UPF3B: variants seen among roughly 807,000 people sequenced by gnomAD.
The protein encoded by UPF3B is UPF3B regulator of nonsense mediated mRNA decay, also known as regulator of nonsense transcripts 3B.
Under a neutral mutation model 40.3 loss-of-function variants are expected in UPF3B, and 7 were observed. The observed-to-expected ratio is 0.17, with a 90% CI of 0.10 to 0.33. UPF3B has a LOEUF of 0.33. Among genes scored for constraint, UPF3B ranks in the 10% least tolerant of loss-of-function variants. The pLI is 1.00. For synonymous variants in UPF3B, 117 were observed against 117.3 expected (o/e 1.00, Z 0.01); for missense variants, 229 against 358.9 (o/e 0.64, Z 2.93).
intron 4 of UPF3B, among the ~76,000 whole-genome samples, chrX:119,820,127 G>A (rs897473754): frequency 2.7e-5 from 3 of 110,357 alleles, no homozygotes; most frequent in African/African-American, 6.6e-5. Flanking sequence ...CTACAGGCAT[G>A]TGCCACCTCA....
At chrX:119,839,029 G>A (rs1417031897) in intron 8 of UPF3B, among the ~76,000 whole-genome samples, 1 of 111,422 alleles carries the variant, frequency 9.0e-6, no homozygotes, top group Non-Finnish European at 1.9e-5. Context: ...CTTCTGCCTC[G>A]GCCTCCCACA....
At chrX:119,811,448 C>T (rs1213208091) in intron 5 of UPF3B, among the ~76,000 whole-genome samples, 4 of 109,619 alleles carry the variant, frequency 3.6e-5, no homozygotes. Flanking sequence ...AGATCATAGA[C>T]CATCCTCGCC....
At chrX:119,833,129 A>G (rs1318967237), downstream of UPF3B, among the ~76,000 whole-genome samples, 2 of 111,239 alleles carry the variant, frequency 1.8e-5, no homozygotes, top group African/African-American at 6.5e-5. Context: ...ATCATGAGAA[A>G]GCAACCACGT....
At chrX:119,809,678 G>A (rs139989229) in intron 5 of UPF3B, among the ~76,000 whole-genome samples, 4,355 of 111,840 alleles carry the variant, frequency 0.039, 175 homozygotes, top group African/African-American at 0.13. Context: ...CTGAGATCGC[G>A]CCACAGCACT....
chrX:119,836,962 G>A (rs2056102182), intron 10 of UPF3B, among the ~76,000 whole-genome samples: 1 of 101,420 alleles, frequency 9.9e-6, no homozygotes, highest in Non-Finnish European at 2.0e-5. Flanking sequence ...TTTTTTTTTT[G>A]AGACTGAGTC....
In UPF3B at chrX:119,842,305, C is replaced by T. The variant is rs186992388; in HGVS notation, c.581-527G>A. On this transcript the variant is annotated intron_variant, in intron 5 of 10. Transcript: ENST00000276201. Reference sequence around the variant, plus strand: ...CCATCTTAAAACACATATTCCTGGCCGGGCACAGTGGCTCATGCCTGTAAT... The same window carrying T: ...CCATCTTAAAACACATATTCCTGGCTGGGCACAGTGGCTCATGCCTGTAAT... 2.7e-3 allele frequency among the ~76,000 whole-genome samples: 302 copies of T among 111,352 alleles called. 2 individuals are homozygous for T. Among genetic ancestry groups the T allele is most frequent in the Middle Eastern group, 9.2e-3 (2 of 218 alleles).
chrX:119,833,697 G>A (rs1399887711), downstream of UPF3B, among the ~76,000 whole-genome samples: 2 of 111,916 alleles, frequency 1.8e-5, no homozygotes. Flanking sequence ...GTAGAGATGG[G>A]GTTTCACCAT....
At chrX:119,846,149 C>G (rs1040112762) in intron 3 of UPF3B, among the ~76,000 whole-genome samples, 2 of 110,021 alleles carry the variant, frequency 1.8e-5, no homozygotes, top group African/African-American at 6.6e-5. Flanking sequence ...GCCTGGCCAA[C>G]ATGGTGAAAC....
Position 119,834,705 on chromosome X carries a change from G to C in UPF3B, c.*173C>G. ...GCAATGAAATTGTACTTCCAATTCTGAACCTCTGATCAGATTCCTGCTTTG... is the reference window on the plus strand; with the variant it reads ...GCAATGAAATTGTACTTCCAATTCTCAACCTCTGATCAGATTCCTGCTTTG... On this transcript the variant is annotated 3_prime_UTR_variant, in exon 11 of 11. Coordinates refer to ENST00000276201, the MANE Select transcript of UPF3B (RefSeq NM_080632.3). The C allele has an allele frequency of 8.9e-7, 1 of 1,118,661 alleles. No homozygotes were observed. The highest frequency in any genetic ancestry group is 1.2e-6 in the Non-Finnish European group (1 of 855,884). The allele number at this position is 1,118,661 out of a possible 1,213,427, so 92.2% of individuals were successfully genotyped here.
chrX:119,808,296 G>A (rs1041521122), intron 5 of UPF3B, among the ~76,000 whole-genome samples: 5 of 110,224 alleles, frequency 4.5e-5, no homozygotes, highest in African/African-American at 1.6e-4. Context: ...GTGGTATTGG[G>A]GGAAAGGATA....
chrX:119,852,471 T>C lies in UPF3B; in HGVS notation c.156+302A>G, dbSNP rs959116522. On this transcript the variant is annotated intron_variant, in intron 1 of 10. Coordinates refer to ENST00000276201, the MANE Select transcript of UPF3B (RefSeq NM_080632.3). ...TTCACTATTTAATATTTCTCCCCAATTACACCTTTAGTTCCTCATTCTTTA... is the reference window on the plus strand; with the variant it reads ...TTCACTATTTAATATTTCTCCCCAACTACACCTTTAGTTCCTCATTCTTTA... Among the ~76,000 whole-genome samples, 3 of 112,061 alleles carry C rather than the reference T, an allele frequency of 2.7e-5. No homozygotes were observed. In the South Asian group the frequency reaches 1.1e-3, roughly 41 times the overall value.
At chrX:119,843,151 G>C (rs771615371) in intron 5 of UPF3B, 40 bp downstream of exon 5, 24 of 929,328 alleles carry the variant, frequency 2.6e-5, no homozygotes, top group Non-Finnish European at 3.4e-5. Context: ...TAGGTACTGT[G>C]ATGAAAAGAC....
downstream of UPF3B, among the ~76,000 whole-genome samples, chrX:119,830,799 T>C (rs1013338017): frequency 4.5e-5 from 5 of 110,436 alleles, no homozygotes; most frequent in African/African-American, 3.3e-5. Context: ...GTTTGTTCTA[T>C]CCTTCCCTGT....
At chrX:119,829,310 T>C (rs1240437080), downstream of UPF3B, among the ~76,000 whole-genome samples, 7 of 112,646 alleles carry the variant, frequency 6.2e-5, no homozygotes, top group African/African-American at 2.3e-4. Flanking sequence ...TCAGCCACCC[T>C]GCCTGGTGAT....
At chrX:119,847,466 A>G (rs189666504) in intron 3 of UPF3B, among the ~76,000 whole-genome samples, 1 of 110,538 alleles carries the variant, frequency 9.0e-6, no homozygotes, top group East Asian at 2.8e-4. Context: ...AAACAAAACA[A>G]AACAAAAAAG....
intron 10 of UPF3B, 125 bp from the exon 11 acceptor site, chrX:119,835,152 G>A: frequency 2.5e-6 from 2 of 786,152 alleles, no homozygotes; most frequent in Non-Finnish European, 3.7e-6. Flanking sequence ...AAAAATGTGA[G>A]GGCACGGTAA....
intron 5 of UPF3B, 113 bp from the exon 6 acceptor site, chrX:119,841,891 G>T: frequency 1.8e-6 from 1 of 556,212 alleles, no homozygotes; most frequent in Non-Finnish European, 3.1e-6. Context: ...CACCCCTTAT[G>T]CAGAAAGATC....
intron 7 of UPF3B, 125 bp downstream of exon 7, chrX:119,840,950 TC>T: frequency 1.3e-6 from 1 of 746,416 alleles, no homozygotes; most frequent in Non-Finnish European, 2.0e-6. Context: ...TTGGATCACT[TC>T]CCCCCAAAAG....
chrX:119,837,716 G>C (rs2056113958), intron 10 of UPF3B, 41 bp downstream of exon 10: 1 of 1,195,653 alleles, frequency 8.4e-7, no homozygotes, highest in Non-Finnish European at 1.1e-6. Flanking sequence ...GCAGGAAAAG[G>C]GAAAAAAACC....
Sources: allele counts gnomAD v4.1 joint callset (sites outside exome capture counted in the v4.1 genomes callset), GRCh38; gene constraint gnomAD v4.1.1; transcripts MANE v1.5; gene names NCBI Gene and HGNC (gene_info 2026-07-23, HGNC 2026-07-21).